Variants in CCDC7 observed in about 807,000 individuals in gnomAD.
The protein encoded by CCDC7 is coiled-coil domain-containing protein 7.
CCDC7 carries 183 observed loss-of-function variants against 196.9 expected under a neutral mutation model. The ratio of observed to expected loss-of-function variants is 0.93; its 90% CI spans 0.82 to 1.05. The LOEUF (loss-of-function observed/expected upper bound fraction) is 1.05, where lower values mean the gene tolerates loss of function less well. CCDC7 is among the 50% of genes least tolerant of loss of function. CCDC7 has a pLI of 0.00. For missense variants in CCDC7, 1,540 were observed against 1,482.2 expected (o/e 1.04, Z -0.64); for synonymous variants, 525 against 484.6 (o/e 1.08, Z -1.10).
At chr10:32,816,001 G>A (rs1009560842) in intron 31 of CCDC7, among the ~76,000 whole-genome samples, 3 of 152,204 alleles carry the variant, frequency 2.0e-5, no homozygotes, top group Non-Finnish European at 4.4e-5. Flanking sequence ...AGGACAGTGG[G>A]TGCAGTGCAC....
chr10:32,853,376 C>T (rs865902606), intron 40 of CCDC7, among the ~76,000 whole-genome samples: 81 of 152,112 alleles, frequency 5.3e-4, no homozygotes, highest in African/African-American at 1.8e-3. Flanking sequence ...TAAAATTTTT[C>T]ACGAAAGCAT....
intron 18 of CCDC7, among the ~76,000 whole-genome samples, chr10:32,627,823 T>C (rs892525862): frequency 1.3e-5 from 2 of 152,144 alleles, no homozygotes; most frequent in East Asian, 3.9e-4. Context: ...ATTTATTGAT[T>C]TGTATGTATT....
intron 41 of CCDC7, among the ~76,000 whole-genome samples, chr10:32,868,120 A>G (rs1219649001): frequency 6.6e-6 from 1 of 151,992 alleles, no homozygotes; most frequent in Non-Finnish European, 1.5e-5. Flanking sequence ...TAACTGAATC[A>G]TATTACATTG....
intron 20 of CCDC7, among the ~76,000 whole-genome samples, chr10:32,638,426 A>T (rs2066071142): frequency 6.6e-6 from 1 of 152,134 alleles, no homozygotes; most frequent in African/African-American, 2.4e-5. Flanking sequence ...ATGTATTGAG[A>T]GTTTTTAGCA....
At chr10:32,604,748 C>T (rs1210867008) in intron 18 of CCDC7, among the ~76,000 whole-genome samples, 1 of 151,612 alleles carries the variant, frequency 6.6e-6, no homozygotes, top group Non-Finnish European at 1.5e-5. Flanking sequence ...TATAGAAATG[C>T]AACTGATTTT....
chr10:32,705,090 G>A (rs761137902), intron 24 of CCDC7, among the ~76,000 whole-genome samples: 18 of 152,114 alleles, frequency 1.2e-4, no homozygotes, highest in Non-Finnish European at 2.5e-4. Context: ...GAAATCATTC[G>A]TGTTCTGCAT....
chr10:32,706,039 C>T (rs2079682079), intron 24 of CCDC7, among the ~76,000 whole-genome samples: 1 of 152,124 alleles, frequency 6.6e-6, no homozygotes, highest in Non-Finnish European at 1.5e-5. Flanking sequence ...CCACATCGCA[C>T]TTATTCCAAA....
intron 18 of CCDC7, among the ~76,000 whole-genome samples, chr10:32,632,139 TG>T (rs59349566): frequency 0.15 from 18,606 of 125,198 alleles, 1,474 homozygotes; most frequent in East Asian, 0.31. Flanking sequence ...TTCTTTTTTT[TG>T]GGGGGGGGGG....
intron 21 of CCDC7, among the ~76,000 whole-genome samples, chr10:32,681,736 T>TACACACACAC (rs1491330656): frequency 7.0e-5 from 7 of 100,126 alleles, no homozygotes; most frequent in Admixed American, 6.5e-4. Flanking sequence ...TATTTATATG[T>TACACACACAC]ATACACACAC....
At chr10:32,658,732 T>C (rs1201639704) in intron 20 of CCDC7, among the ~76,000 whole-genome samples, 2 of 152,222 alleles carry the variant, frequency 1.3e-5, no homozygotes, top group Non-Finnish European at 2.9e-5. Context: ...GAGGATATTA[T>C]GCTAAGTGAA....
chr10:32,772,313 C>T (rs1219823166), intron 28 of CCDC7, among the ~76,000 whole-genome samples: 1 of 152,176 alleles, frequency 6.6e-6, no homozygotes, highest in African/African-American at 2.4e-5. Flanking sequence ...GAGGCAGATC[C>T]ACTCCCACAG....
chr10:32,664,742 T>C (rs950701341), intron 21 of CCDC7, among the ~76,000 whole-genome samples: 2 of 152,074 alleles, frequency 1.3e-5, no homozygotes, highest in Admixed American at 6.6e-5. Flanking sequence ...TGATTCCGTA[T>C]CTTGGTTATT....
chr10:32,452,060 A>G, intron 1 of CCDC7, 139 bp downstream of exon 2: 1 of 1,247,850 alleles, frequency 8.0e-7, no homozygotes, highest in South Asian at 2.2e-5. Context: ...ATGAGGTGAA[A>G]TTAGGAGAAA....
At chr10:32,555,499 C>T (rs183303812) in intron 13 of CCDC7, among the ~76,000 whole-genome samples, 37 of 152,214 alleles carry the variant, frequency 2.4e-4, no homozygotes, top group Middle Eastern at 3.4e-3. Context: ...CTGCCTTGGC[C>T]TCCCAAAGTG....
chr10:32,753,483 T>G (rs2133547934), intron 28 of CCDC7, among the ~76,000 whole-genome samples: 1 of 152,232 alleles, frequency 6.6e-6, no homozygotes, highest in South Asian at 2.1e-4. Context: ...TATTACTATT[T>G]AGGAGATGAG....
chr10:32,583,852 T>C (rs1281351342), intron 17 of CCDC7, among the ~76,000 whole-genome samples: 2 of 152,094 alleles, frequency 1.3e-5, no homozygotes, highest in Non-Finnish European at 2.9e-5. Flanking sequence ...TTTATTAAAG[T>C]ATTCCTATAA....
intron 3 of CCDC7, among the ~76,000 whole-genome samples, chr10:32,457,891 G>A (rs1218861646): frequency 6.6e-6 from 1 of 151,586 alleles, no homozygotes; most frequent in Non-Finnish European, 1.5e-5. Context: ...TTGCCATTGA[G>A]TTGTCTGAGT....
intron 13 of CCDC7, among the ~76,000 whole-genome samples, chr10:32,551,505 T>G (rs2053473722): frequency 6.6e-6 from 1 of 152,266 alleles, no homozygotes; most frequent in South Asian, 2.1e-4. Flanking sequence ...CAGTTTGTGC[T>G]TTTTCAGTGT....
chr10:32,881,314 A>G (rs2094782501), downstream of CCDC7, among the ~76,000 whole-genome samples: 1 of 152,172 alleles, frequency 6.6e-6, no homozygotes, highest in African/African-American at 2.4e-5. Flanking sequence ...ATCTATGTCA[A>G]TGAGCACTGG....
Sources: gnomAD v4.1 joint callset for allele counts (sites outside exome capture counted in the v4.1 genomes callset) on GRCh38, gnomAD v4.1.1 for gene constraint, MANE v1.5 for transcripts, NCBI Gene and HGNC (gene_info 2026-07-23, HGNC 2026-07-21) for gene names.